The following ZNF264 variants were observed in gnomAD, a reference collection of about 807,000 sequenced individuals.
ZNF264 encodes zinc finger protein 264.
In ZNF264, 11 loss-of-function variants were observed where a neutral mutation model predicts 11.2. That is an observed-to-expected ratio of 0.98 (90% CI 0.62 to 1.63). The LOEUF (loss-of-function observed/expected upper bound fraction) is 1.63. ZNF264 is among the 40% of genes most tolerant of loss of function. The pLI is 0.00. For synonymous variants in ZNF264, 309 were observed against 279.8 expected (o/e 1.10, Z -1.04); for missense variants, 752 against 768.1 (o/e 0.98, Z 0.25).
intron 2 of ZNF264, among the ~76,000 whole-genome samples, chr19:57,200,235 T>G (rs2087241575): frequency 6.6e-6 from 1 of 151,774 alleles, no homozygotes; most frequent in South Asian, 2.1e-4. Context: ...GGGCACTGAT[T>G]GGAAAAGAAT....
At chr19:57,209,914 C>G (rs1053017050) in intron 3 of ZNF264, among the ~76,000 whole-genome samples, 1 of 152,048 alleles carries the variant, frequency 6.6e-6, no homozygotes, top group Non-Finnish European at 1.5e-5. Context: ...GCACCATACA[C>G]AGCAGCCTGG....
At chr19:57,205,360 C>T (rs1364842011) in intron 2 of ZNF264, 37 bp from the exon 3 acceptor site, 1 of 1,568,042 alleles carries the variant, frequency 6.4e-7, no homozygotes, top group Non-Finnish European at 8.7e-7. Context: ...TTCTTTTCAC[C>T]CACATCCATG....
At chr19:57,197,155 G>T (rs1038558761) in intron 2 of ZNF264, among the ~76,000 whole-genome samples, 2 of 151,898 alleles carry the variant, frequency 1.3e-5, no homozygotes, top group Non-Finnish European at 2.9e-5. Context: ...GAGAGAAGGT[G>T]GGGTGGCAGG....
chr19:57,203,849 G>A (rs1011902412), intron 2 of ZNF264, among the ~76,000 whole-genome samples: 1 of 152,096 alleles, frequency 6.6e-6, no homozygotes, highest in African/African-American at 2.4e-5. Flanking sequence ...TTTGGAAGGG[G>A]AGCCCGAACC....
At position 57,215,221 on chromosome 19, in the gene ZNF264, A is replaced by G. The variant is rs2087371417; in HGVS notation, c.*2240A>G. 1 of 152,160 alleles carries G rather than the reference A, an allele frequency of 6.6e-6. No homozygotes were observed. 9.4% of individuals were successfully genotyped at this position (152,160 alleles called of 1,614,324 possible). ...TTTTTCTTCTGGAGGCTTTTAAATT[A>G]CATATTTATTTTATTGGATAGGTAG... On this transcript the variant is annotated 3_prime_UTR_variant, in exon 4 of 4. Transcript: ENST00000263095.
At chr19:57,197,938 C>T (rs1242403562) in intron 2 of ZNF264, among the ~76,000 whole-genome samples, 1 of 151,986 alleles carries the variant, frequency 6.6e-6, no homozygotes, top group African/African-American at 2.4e-5. Flanking sequence ...CTACTGGATC[C>T]AGTCGGCATA....
At chr19:57,200,284 C>T (rs950887855) in intron 2 of ZNF264, among the ~76,000 whole-genome samples, 3 of 151,810 alleles carry the variant, frequency 2.0e-5, no homozygotes, top group Admixed American at 6.6e-5. Flanking sequence ...GTGGGAGAAC[C>T]CTGATGAAGC....
At chr19:57,197,688 G>A (rs1248040008) in intron 2 of ZNF264, among the ~76,000 whole-genome samples, 1 of 151,932 alleles carries the variant, frequency 6.6e-6, no homozygotes, top group African/African-American at 2.4e-5. Flanking sequence ...AATGAGGAAT[G>A]TGTTGCCTCC....
intron 3 of ZNF264, among the ~76,000 whole-genome samples, chr19:57,207,696 G>A (rs2087303724): frequency 6.7e-6 from 1 of 149,654 alleles, no homozygotes; most frequent in South Asian, 2.1e-4. Context: ...ATTTTTGTGG[G>A]TTTTTTTGTT....
Position 57,212,838 on chromosome 19 carries a change from A to T in ZNF264, c.1741A>T (p.Thr581Ser). 2 of 1,614,208 alleles carry T rather than the reference A, an allele frequency of 1.2e-6. No individual in the cohort carries two copies. The highest frequency in any genetic ancestry group is 4.5e-5 in the East Asian group (2 of 44,888). Residue 581 changes from threonine (T) to serine (S), a missense_variant, in exon 4 of 4, where the codon ACC (threonine) becomes TCC (serine). Coordinates refer to ENST00000263095, the MANE Select transcript of ZNF264 (RefSeq NM_003417.5). ...DVGRPFTSGQ[T>S]SVTLRELLLG... ...GGGAAGACCTTTTACAAGTGGACAAACCTCAGTTACCCTTCGAGAACTTCT... is the reference window on the plus strand; with the variant it reads ...GGGAAGACCTTTTACAAGTGGACAATCCTCAGTTACCCTTCGAGAACTTCT...
In ZNF264 at chr19:57,212,887, T is replaced by TA. The variant is rs764127725; in HGVS notation, c.1792dup (p.Thr598AsnfsTer3). The TA allele has an allele frequency of 1.9e-5, 30 of 1,614,120 alleles. No individual in the cohort carries two copies. The highest frequency in any genetic ancestry group is 2.5e-5 in the Non-Finnish European group (29 of 1,180,052). On this transcript the variant is annotated frameshift_variant, in exon 4 of 4. Transcript: ENST00000263095. LOFTEE classifies it low-confidence loss of function (END_TRUNC). ...CTTTTAGGGAAGGACTTTTTGAATG[T>TA]AACCACTGAGGCAAATATTTTGCCA...
In ZNF264 at chr19:57,209,336, A is replaced by G. The variant is rs547531061; in HGVS notation, c.257-2018A>G. 1.8e-3 allele frequency among the ~76,000 whole-genome samples: 269 copies of G among 152,276 alleles called. 3 individuals are homozygous for G. The highest frequency in any genetic ancestry group is 2.5e-3 in the Non-Finnish European group (171 of 68,022). On this transcript the variant is annotated intron_variant, in intron 3 of 3. Coordinates refer to ENST00000263095, the MANE Select transcript of ZNF264 (RefSeq NM_003417.5). ...ATTTGGAATATATAGTGTGATAGCA[A>G]TGCAGTTATTTTCGTTCTCCATGTG...
chr19:57,205,215 A>G (rs1278593468), intron 2 of ZNF264, among the ~76,000 whole-genome samples, 182 bp from the exon 3 acceptor site: 1 of 152,234 alleles, frequency 6.6e-6, no homozygotes, highest in Non-Finnish European at 1.5e-5. Flanking sequence ...TTGGAATTAC[A>G]TAATGCATTT....
chr19:57,200,930 AT>A (rs905723663), intron 2 of ZNF264, among the ~76,000 whole-genome samples: 33 of 151,870 alleles, frequency 2.2e-4, no homozygotes, highest in African/African-American at 7.3e-4. Context: ...TTATAATAAA[AT>A]TTTTTTTATA....
intron 1 of ZNF264, chr19:57,192,201 T>C (rs1436410787): frequency 2.3e-6 from 1 of 433,824 alleles, no homozygotes; most frequent in Non-Finnish European, 3.1e-6. Flanking sequence ...AAGCATTCTC[T>C]GGTGGACCAG....
intron 3 of ZNF264, among the ~76,000 whole-genome samples, chr19:57,209,517 ATCT>A (rs2087318435): frequency 6.6e-6 from 1 of 152,168 alleles, no homozygotes; most frequent in African/African-American, 2.4e-5. Flanking sequence ...GATCTAGATC[ATCT>A]TTATTGTCTT....
Position 57,211,826 on chromosome 19 carries a change from C to T in ZNF264, c.729C>T (p.Ser243=). 1.9e-6 allele frequency: 3 copies of T among 1,614,084 alleles called. No homozygotes were observed. Among genetic ancestry groups the T allele is most frequent in the Non-Finnish European group, 2.5e-6 (3 of 1,180,012 alleles). ...AATGTGGGAAAACCTTTATTAAGAGCACACATCTCCTGCAACATCACATGA... is the reference window on the plus strand; with the variant it reads ...AATGTGGGAAAACCTTTATTAAGAGTACACATCTCCTGCAACATCACATGA... ...CTECGKTFIK[S]THLLQHHMIH... Residue 243 remains serine, a synonymous_variant, in exon 4 of 4, where the codon AGC becomes AGT. Coordinates refer to ENST00000263095, the MANE Select transcript of ZNF264 (RefSeq NM_003417.5).
At chr19:57,197,229 G>A (rs888812978) in intron 2 of ZNF264, among the ~76,000 whole-genome samples, 1 of 151,814 alleles carries the variant, frequency 6.6e-6, no homozygotes, top group Non-Finnish European at 1.5e-5. Flanking sequence ...ATCCGCTTGA[G>A]CCCAATCACA....
At position 57,217,192 on chromosome 19, in the gene ZNF264, A is replaced by G. The variant is rs941358953; in HGVS notation, c.*4211A>G. The G allele has an allele frequency of 9.9e-5, 15 of 152,202 alleles. No homozygotes were observed. Among genetic ancestry groups the G allele is most frequent in the African/African-American group, 3.1e-4 (13 of 41,446 alleles). The allele number at this position is 152,202 out of a possible 1,614,324, so 9.4% of individuals were successfully genotyped here. On this transcript the variant is annotated 3_prime_UTR_variant, in exon 4 of 4. Transcript: ENST00000263095. ...CATTCGCACCATTGTAAAGTCAAGT[A>G]GTAAGTCGAACCATCCTAAGTCAGG...
Sources: gnomAD v4.1 joint callset for allele counts (sites outside exome capture counted in the v4.1 genomes callset) on GRCh38, gnomAD v4.1.1 for gene constraint, MANE v1.5 for transcripts, NCBI Gene and HGNC (gene_info 2026-07-23, HGNC 2026-07-21) for gene names.